Variants in LIN52 observed in about 807,000 individuals in gnomAD.
LIN52 encodes the protein lin-52 DREAM MuvB core complex component, also known as protein lin-52 homolog.
In LIN52, 4 loss-of-function variants were observed where a neutral mutation model predicts 18.5. The observed-to-expected ratio is 0.22, with a 90% CI of 0.11 to 0.49. LIN52 has a LOEUF of 0.49. Among genes scored for constraint, LIN52 ranks in the 20% least tolerant of loss-of-function variants. The pLI, the probability that LIN52 is intolerant of heterozygous loss-of-function variation, is 0.97. For synonymous variants in LIN52, 34 were observed against 45.5 expected, an observed-to-expected ratio of 0.75 and a Z score of 1.02; for missense variants, 102 against 139.5, an observed-to-expected ratio of 0.73 and a Z score of 1.35.
intron 5 of LIN52, among the ~76,000 whole-genome samples, chr14:74,132,611 C>T (rs957682656): frequency 7.9e-5 from 12 of 152,194 alleles, no homozygotes. Context: ...CCGGCTTAAG[C>T]AATTCTCCTG....
In LIN52 at chr14:74,188,521, AAAAT is replaced by A. The variant is rs983596068; in HGVS notation, c.284-10394_284-10391del. On this transcript the variant is annotated intron_variant, in intron 5 of 5. Transcript: ENST00000555028. ...CTTAGGTTGTAGGGTTCCATTAAAA[AAAAT>A]AAATAATCTCAGCCCCTCCTCCCTC... Among the ~76,000 whole-genome samples, 6 of 152,230 alleles carry A rather than the reference AAAAT, an allele frequency of 3.9e-5. No homozygotes were observed. The East Asian group carries it at 9.7e-4, about 24-fold the overall frequency.
intron 2 of LIN52, 128 bp downstream of exon 2, chr14:74,091,434 G>C (rs2060771501): frequency 4.8e-6 from 3 of 626,746 alleles, no homozygotes; most frequent in Non-Finnish European, 2.7e-6. Context: ...ATTTAGCAGT[G>C]GGGGGTTGTA....
At chr14:74,152,115 T>A (rs575369620) in intron 5 of LIN52, among the ~76,000 whole-genome samples, 1 of 151,948 alleles carries the variant, frequency 6.6e-6, no homozygotes, top group Admixed American at 6.6e-5. Context: ...ATACAAAAAT[T>A]AGCCTGACAT....
intron 1 of LIN52, among the ~76,000 whole-genome samples, chr14:74,087,011 A>C (rs12889747): frequency 0.11 from 16,973 of 152,102 alleles, 1,243 homozygotes; most frequent in Admixed American, 0.19. Flanking sequence ...TTTATTTTTA[A>C]ATTGTTTTTA....
intron 5 of LIN52, among the ~76,000 whole-genome samples, chr14:74,191,263 G>A (rs77681938): frequency 0.01 from 1,567 of 152,322 alleles, 31 homozygotes; most frequent in African/African-American, 0.036. Flanking sequence ...CTCAAAGGCA[G>A]CATTGCCTTT....
chr14:74,145,355 C>T (rs951399681), intron 5 of LIN52, among the ~76,000 whole-genome samples: 1 of 152,160 alleles, frequency 6.6e-6, no homozygotes, highest in African/African-American at 2.4e-5. Context: ...CTTGCCTCTC[C>T]AGTATTAACA....
chr14:74,088,880 T>C (rs2060752804), intron 1 of LIN52, among the ~76,000 whole-genome samples: 1 of 152,186 alleles, frequency 6.6e-6, no homozygotes, highest in Non-Finnish European at 1.5e-5. Context: ...TGAGTACTAC[T>C]GTGTGCAAGG....
intron 1 of LIN52, among the ~76,000 whole-genome samples, chr14:74,090,816 G>C (rs2060768369): frequency 6.6e-6 from 1 of 152,174 alleles, no homozygotes; most frequent in Admixed American, 6.5e-5. Context: ...AGAGAAGGTA[G>C]AAACTGATGG....
rs1285009262 is a variant in LIN52, at chr14:74,201,145, G to A, written c.*2168G>A. On this transcript the variant is annotated 3_prime_UTR_variant, in exon 6 of 6. Coordinates refer to ENST00000555028, the MANE Select transcript of LIN52 (RefSeq NM_001024674.3). ...TATTGATAATATAAATTTATGTACA[G>A]TATGTGTGTATATGTATTTCAGGAT... is the stretch of plus-strand genomic sequence containing the variant. The A allele has an allele frequency of 2.0e-5, 3 of 152,160 alleles. No individual in the cohort carries two copies. Among genetic ancestry groups the A allele is most frequent in the Non-Finnish European group, 4.4e-5 (3 of 68,040 alleles). 9.4% of individuals were successfully genotyped at this position (152,160 alleles called of 1,614,324 possible).
At chr14:74,163,247 A>T (rs547439823) in intron 5 of LIN52, among the ~76,000 whole-genome samples, 34 of 152,014 alleles carry the variant, frequency 2.2e-4, no homozygotes, top group Non-Finnish European at 4.9e-4. Context: ...TGCCCAGCTA[A>T]TTTTTGTATT....
intron 5 of LIN52, among the ~76,000 whole-genome samples, chr14:74,101,867 G>T (rs1197671463): frequency 3.9e-5 from 6 of 151,994 alleles, no homozygotes; most frequent in Admixed American, 1.3e-4. Context: ...TCAACTCCTG[G>T]GCTCAAGTGA....
intron 5 of LIN52, among the ~76,000 whole-genome samples, chr14:74,110,465 G>C (rs1242942951): frequency 1.3e-5 from 2 of 152,016 alleles, no homozygotes; most frequent in Non-Finnish European, 2.9e-5. Context: ...GATAACCTGA[G>C]GTCAGGAGTT....
At chr14:74,092,299 GTATA>G (rs34699701) in intron 2 of LIN52, among the ~76,000 whole-genome samples, 6 of 144,254 alleles carry the variant, frequency 4.2e-5, no homozygotes, top group East Asian at 4.1e-4. Context: ...TTATATATAT[GTATA>G]TATATATATA....
At chr14:74,113,759 AT>A (rs200315631) in intron 5 of LIN52, among the ~76,000 whole-genome samples, 1 of 151,976 alleles carries the variant, frequency 6.6e-6, no homozygotes, top group Admixed American at 6.6e-5. Flanking sequence ...TTTTACTACA[AT>A]TTTTTTTATT....
chr14:74,090,643 T>C (rs1457523298), intron 1 of LIN52, among the ~76,000 whole-genome samples: 1 of 152,200 alleles, frequency 6.6e-6, no homozygotes, highest in African/African-American at 2.4e-5. Context: ...CTGGGGTTTT[T>C]TTTTGAAACA....
intron 1 of LIN52, 56 bp downstream of exon 1, chr14:74,085,049 A>G (rs905066514): frequency 5.2e-5 from 68 of 1,314,028 alleles, no homozygotes; most frequent in Non-Finnish European, 6.5e-5. Flanking sequence ...TCTACTGGGA[A>G]CATCCACTCT....
At chr14:74,158,729 C>T (rs2061211617) in intron 5 of LIN52, among the ~76,000 whole-genome samples, 1 of 152,200 alleles carries the variant, frequency 6.6e-6, no homozygotes, top group Non-Finnish European at 1.5e-5. Context: ...CCGCCCACCT[C>T]AGTCTCCCAA....
intron 5 of LIN52, among the ~76,000 whole-genome samples, chr14:74,103,555 C>T (rs2060875272): frequency 6.6e-6 from 1 of 151,004 alleles, no homozygotes; most frequent in South Asian, 2.1e-4. Context: ...GCCTCAGCCT[C>T]CTGAGTAGCT....
At chr14:74,155,359 C>G (rs998357235) in intron 5 of LIN52, among the ~76,000 whole-genome samples, 2 of 152,230 alleles carry the variant, frequency 1.3e-5, no homozygotes, top group African/African-American at 2.4e-5. Flanking sequence ...ATGGACGCCT[C>G]AGGAATTCAC....
Sources: gnomAD v4.1 joint callset for allele counts (sites outside exome capture counted in the v4.1 genomes callset) on GRCh38, gnomAD v4.1.1 for gene constraint, MANE v1.5 for transcripts, NCBI Gene and HGNC (gene_info 2026-07-23, HGNC 2026-07-21) for gene names.